The following MSRA variants were observed in gnomAD, a reference collection of about 807,000 sequenced individuals.
MSRA encodes mitochondrial peptide methionine sulfoxide reductase.
In MSRA, 54 loss-of-function variants were observed where a neutral mutation model predicts 31.3. The observed-to-expected ratio is 1.73, with a 90% CI of 1.39 to 2.17. The LOEUF (loss-of-function observed/expected upper bound fraction) is 2.17. Ranked by LOEUF, MSRA falls within the 30% of genes most tolerant of loss-of-function variation. The probability of loss-of-function intolerance (pLI) is 0.00; values close to 1 mark genes in which losing one functional copy is unlikely to be tolerated. For synonymous variants in MSRA, 169 were observed against 116.5 expected, an observed-to-expected ratio of 1.45 and a Z score of -2.90; for missense variants, 507 against 300.9, an observed-to-expected ratio of 1.69 and a Z score of -5.07.
intron 1 of MSRA, among the ~76,000 whole-genome samples, chr8:10,085,259 C>T (rs996564340): frequency 3.3e-5 from 5 of 152,196 alleles, no homozygotes; most frequent in African/African-American, 1.2e-4. Context: ...AGAATACCCA[C>T]CCTATTCCAC....
At chr8:10,113,544 G>A (rs1160369) in intron 1 of MSRA, among the ~76,000 whole-genome samples, 87,173 of 150,964 alleles carry the variant, frequency 0.58, 25,343 homozygotes, top group Middle Eastern at 0.67. Flanking sequence ...GAATGATGCT[G>A]TTGTTGACAG....
At chr8:10,120,823 A>T (rs749753618) in intron 1 of MSRA, among the ~76,000 whole-genome samples, 1 of 152,098 alleles carries the variant, frequency 6.6e-6, no homozygotes, top group African/African-American at 2.4e-5. Context: ...GCTAGCCTAC[A>T]TGGTTTCGGC....
intron 5 of MSRA, among the ~76,000 whole-genome samples, chr8:10,324,422 A>G (rs1315641894): frequency 6.6e-6 from 1 of 152,090 alleles, no homozygotes; most frequent in Non-Finnish European, 1.5e-5. Context: ...CAAGAGCGGG[A>G]CGGCCATGGA....
At chr8:10,351,916 C>T (rs1013615274) in intron 5 of MSRA, among the ~76,000 whole-genome samples, 1 of 152,188 alleles carries the variant, frequency 6.6e-6, no homozygotes, top group African/African-American at 2.4e-5. Flanking sequence ...GGCTGTCCGA[C>T]GGCCACATTT....
At chr8:10,234,943 A>G (rs1355622799) in intron 2 of MSRA, among the ~76,000 whole-genome samples, 1 of 152,114 alleles carries the variant, frequency 6.6e-6, no homozygotes, top group Non-Finnish European at 1.5e-5. Flanking sequence ...GACAGAACTA[A>G]AAGAGAAATC....
intron 3 of MSRA, among the ~76,000 whole-genome samples, chr8:10,266,544 A>T (rs1798757191): frequency 6.6e-6 from 1 of 151,914 alleles, no homozygotes; most frequent in African/African-American, 2.4e-5. Flanking sequence ...TTGTCTTAGC[A>T]TTCTCTTAAC....
chr8:10,253,838 A>T (rs923495128), intron 3 of MSRA, among the ~76,000 whole-genome samples: 1 of 152,154 alleles, frequency 6.6e-6, no homozygotes, highest in Non-Finnish European at 1.5e-5. Context: ...AGAGCCTTAG[A>T]ATAAAGGTTT....
chr8:10,099,338 C>T (rs1799385387), intron 1 of MSRA, among the ~76,000 whole-genome samples: 1 of 152,138 alleles, frequency 6.6e-6, no homozygotes, highest in Non-Finnish European at 1.5e-5. Flanking sequence ...CTGCTGAGGT[C>T]ATTCAGCAGA....
In MSRA at chr8:10,428,812, C is replaced by T. The variant is rs573577224; in HGVS notation, c.*500C>T. ...TCTGTGCAGAGAAAAGATGTGAGTC[C>T]GCTTGATGAATTCTAATGCTTTGCT... On this transcript the variant is annotated 3_prime_UTR_variant, in exon 6 of 6. Transcript: ENST00000317173. 7.6e-5 allele frequency: 12 copies of T among 157,784 alleles called. No individual in the cohort carries two copies. The highest frequency in any genetic ancestry group is 3.9e-4 in the South Asian group (2 of 5,144). 9.8% of individuals were successfully genotyped at this position (157,784 alleles called of 1,614,324 possible).
chr8:10,070,954 T>C (rs916028058), intron 1 of MSRA, among the ~76,000 whole-genome samples: 1 of 152,248 alleles, frequency 6.6e-6, no homozygotes, highest in African/African-American at 2.4e-5. Flanking sequence ...GAAGCTGCTA[T>C]GAACATTCAT....
chr8:10,395,958 G>A (rs765814192), intron 5 of MSRA, among the ~76,000 whole-genome samples: 26 of 152,184 alleles, frequency 1.7e-4, no homozygotes, highest in Non-Finnish European at 3.1e-4. Context: ...CCCTACAAGT[G>A]CAGTCAAGCT....
intron 1 of MSRA, among the ~76,000 whole-genome samples, chr8:10,116,634 G>A (rs145559794): frequency 2.0e-5 from 3 of 152,156 alleles, no homozygotes; most frequent in Non-Finnish European, 4.4e-5. Flanking sequence ...GCAGGAGCAC[G>A]GAGCAGGGTC....
intron 1 of MSRA, among the ~76,000 whole-genome samples, chr8:10,077,725 C>G (rs564769688): frequency 5.3e-5 from 8 of 152,070 alleles, no homozygotes; most frequent in Non-Finnish European, 1.0e-4. Flanking sequence ...GACAACTCAT[C>G]TATTAATAAG....
chr8:10,135,802 C>G (rs1029493559), intron 1 of MSRA, among the ~76,000 whole-genome samples: 1 of 152,196 alleles, frequency 6.6e-6, no homozygotes, highest in African/African-American at 2.4e-5. Context: ...AGACGCAGTT[C>G]TGGAATTTTG....
chr8:10,199,149 G>T (rs532569813), intron 1 of MSRA, among the ~76,000 whole-genome samples: 1 of 152,242 alleles, frequency 6.6e-6, no homozygotes, highest in East Asian at 1.9e-4. Context: ...TTGGGAGCCT[G>T]GAGAAATGGT....
chr8:10,186,568 C>T (rs1023595266), intron 1 of MSRA, among the ~76,000 whole-genome samples: 1 of 152,150 alleles, frequency 6.6e-6, no homozygotes, highest in Non-Finnish European at 1.5e-5. Flanking sequence ...CATGGTTTTG[C>T]CAATCCCCTG....
At chr8:10,192,617 G>A (rs1807607035) in intron 1 of MSRA, among the ~76,000 whole-genome samples, 2 of 152,228 alleles carry the variant, frequency 1.3e-5, no homozygotes, top group South Asian at 4.1e-4. Flanking sequence ...TCTGTCTATA[G>A]TTAGTAGCTG....
intron 1 of MSRA, among the ~76,000 whole-genome samples, chr8:10,131,151 T>C (rs1484644): frequency 0.89 from 135,456 of 152,214 alleles, 60,434 homozygotes; most frequent in East Asian, 0.96. Context: ...TGCTGGGTCC[T>C]GTGGATACAA....
At chr8:10,281,792 G>T (rs747975133) in intron 3 of MSRA, among the ~76,000 whole-genome samples, 2 of 152,186 alleles carry the variant, frequency 1.3e-5, no homozygotes, top group Admixed American at 6.5e-5. Context: ...TTGTAAAGGG[G>T]CGCTGATCAA....
Sources: gnomAD v4.1 joint callset for allele counts (sites outside exome capture counted in the v4.1 genomes callset) on GRCh38, gnomAD v4.1.1 for gene constraint, MANE v1.5 for transcripts, NCBI Gene and HGNC (gene_info 2026-07-23, HGNC 2026-07-21) for gene names.